The following TANGO6 variants were observed in gnomAD, a reference collection of about 807,000 sequenced individuals.
The protein encoded by TANGO6 is transport and golgi organization 6 homolog.
A neutral mutation model predicts 114.2 loss-of-function variants in TANGO6; 90 were observed. That is an observed-to-expected ratio of 0.79 (90% CI 0.66 to 0.94). The LOEUF (loss-of-function observed/expected upper bound fraction) is 0.94. Ranked by LOEUF, TANGO6 falls within the 40% of genes least tolerant of loss-of-function variation. The pLI, the probability that TANGO6 is intolerant of heterozygous loss-of-function variation, is 0.00. For synonymous variants in TANGO6, 477 were observed against 509.8 expected (o/e 0.94, Z 0.87); for missense variants, 1,274 against 1,315.3 (o/e 0.97, Z 0.49).
intron 2 of TANGO6, among the ~76,000 whole-genome samples, chr16:68,861,291 C>T (rs967510813): frequency 6.6e-6 from 1 of 152,166 alleles, no homozygotes; most frequent in African/African-American, 2.4e-5. Context: ...GGCCCCCAGG[C>T]GCAGTGATTC....
At chr16:68,945,759 C>T (rs1963408081) in intron 14 of TANGO6, among the ~76,000 whole-genome samples, 2 of 151,762 alleles carry the variant, frequency 1.3e-5, no homozygotes, top group Admixed American at 1.3e-4. Context: ...GATCTTGGCT[C>T]ACTGCAACCT....
chr16:68,948,542 C>G (rs79871631), intron 14 of TANGO6, among the ~76,000 whole-genome samples: 7,532 of 152,240 alleles, frequency 0.049, 223 homozygotes, highest in Non-Finnish European at 0.07. Flanking sequence ...ATAGTGCCCT[C>G]ATTCTTTTTG....
intron 14 of TANGO6, among the ~76,000 whole-genome samples, chr16:68,937,016 C>A (rs1291126895): frequency 1.3e-5 from 2 of 152,112 alleles, no homozygotes; most frequent in African/African-American, 4.8e-5. Context: ...AAGGTAGATA[C>A]AAGATGAAAT....
chr16:69,030,627 G>A (rs1404460524), intron 16 of TANGO6, among the ~76,000 whole-genome samples: 2 of 152,032 alleles, frequency 1.3e-5, no homozygotes, highest in African/African-American at 4.8e-5. Flanking sequence ...CTCACAGCAA[G>A]AATCAAGCAT....
intron 3 of TANGO6, among the ~76,000 whole-genome samples, chr16:68,866,600 G>A (rs977852085): frequency 6.7e-6 from 1 of 148,244 alleles, no homozygotes; most frequent in Non-Finnish European, 1.5e-5. Context: ...TCCGCAGTCC[G>A]GCCTGGGCGA....
intron 7 of TANGO6, among the ~76,000 whole-genome samples, chr16:68,884,425 A>G (rs1424584830): frequency 6.6e-6 from 1 of 152,198 alleles, no homozygotes; most frequent in African/African-American, 2.4e-5. Context: ...GGGGTCTTCT[A>G]TCCTGTTCTG....
At chr16:68,998,484 C>G (rs749717217) in intron 15 of TANGO6, among the ~76,000 whole-genome samples, 9 of 152,136 alleles carry the variant, frequency 5.9e-5, no homozygotes, top group African/African-American at 1.2e-4. Flanking sequence ...GTAATCCCAG[C>G]GCTTTGGGAG....
At chr16:68,981,618 G>GT (rs1963837847) in intron 15 of TANGO6, among the ~76,000 whole-genome samples, 1 of 152,308 alleles carries the variant, frequency 6.6e-6, no homozygotes, top group South Asian at 2.1e-4. Context: ...TCATTGGGAT[G>GT]TTACTTGGCA....
chr16:68,927,649 A>G lies in TANGO6; in HGVS notation c.2209A>G (p.Ile737Val). Residue 737 changes from isoleucine to valine, a missense_variant, in exon 13 of 18, where the codon ATC becomes GTC. Ile to Val is a conservative substitution (Grantham distance 29, BLOSUM62 3). This residue lies in a region of TANGO6 where 908 missense variants were observed against 910.2 expected (regional missense o/e 1.00). Coordinates refer to ENST00000261778, the MANE Select transcript of TANGO6 (RefSeq NM_024562.2). ...KVSNTYPDPV[I>V]QELAVDLRIT... is the part of the protein sequence containing the mutation. ...ATCCAACACATACCCTGATCCGGTC[A>G]TCCAAGAACTCGCTGTTGATCTCCG... is the stretch of plus-strand genomic sequence containing the variant. 1 of 1,614,046 alleles carries G rather than the reference A, an allele frequency of 6.2e-7. No individual in the cohort carries two copies. The highest frequency in any genetic ancestry group is 8.5e-7 in the Non-Finnish European group (1 of 1,179,900).
intron 14 of TANGO6, among the ~76,000 whole-genome samples, chr16:68,942,189 G>A (rs536205702): frequency 3.7e-4 from 57 of 152,112 alleles, no homozygotes; most frequent in Non-Finnish European, 6.5e-4. Flanking sequence ...TTAGCTGGAC[G>A]TGGTGGCAGG....
chr16:69,017,262 T>A (rs139581905), intron 15 of TANGO6, among the ~76,000 whole-genome samples: 1 of 152,308 alleles, frequency 6.6e-6, no homozygotes, highest in African/African-American at 2.4e-5. Context: ...CCATTAGGTT[T>A]TGCCATGAGG....
At chr16:69,036,007 TACTCCAGCCTGA>T (rs1393653120) in intron 16 of TANGO6, 1 of 145,080 alleles carries the variant, frequency 6.9e-6, no homozygotes, top group Admixed American at 7.1e-5. Context: ...CATGCCACTG[TACTCCAGCCTGA>T]GCTACAGAGC....
chr16:68,891,772 A>G (rs1273289455), intron 7 of TANGO6, among the ~76,000 whole-genome samples: 1 of 151,284 alleles, frequency 6.6e-6, no homozygotes, highest in African/African-American at 2.4e-5. Context: ...ACCTGTAGCT[A>G]CAGCTTAAGG....
chr16:68,985,848 A>C (rs1462242224), intron 15 of TANGO6, among the ~76,000 whole-genome samples: 1 of 152,188 alleles, frequency 6.6e-6, no homozygotes, highest in Non-Finnish European at 1.5e-5. Context: ...CTTCAGACTA[A>C]ATGTTTTTCG....
intron 16 of TANGO6, among the ~76,000 whole-genome samples, chr16:69,033,401 A>G (rs1959631227): frequency 6.6e-6 from 1 of 152,164 alleles, no homozygotes; most frequent in South Asian, 2.1e-4. Flanking sequence ...ACACAAATAA[A>G]GGACCCAATC....
chr16:68,860,445 A>G lies in TANGO6; in HGVS notation c.656A>G (p.His219Arg), dbSNP rs1272128190. 9.3e-6 allele frequency: 15 copies of G among 1,613,822 alleles called. No homozygotes were observed. The highest frequency in any genetic ancestry group is 1.3e-5 in the African/African-American group (1 of 74,900). ...TSLGSLIFCH[H>R]FGDIAAGLCQ... ...CTGGGGAGCTTGATCTTCTGCCACC[A>G]CTTTGGGGATATCGCAGCAGGTCTG... Residue 219 changes from histidine (H) to arginine (R), a missense_variant, in exon 2 of 18, where the codon CAC becomes CGC. Coordinates refer to ENST00000261778, the MANE Select transcript of TANGO6 (RefSeq NM_024562.2).
chr16:69,082,248 G>A (rs531370312), intron 17 of TANGO6, among the ~76,000 whole-genome samples: 1 of 152,150 alleles, frequency 6.6e-6, no homozygotes, highest in East Asian at 1.9e-4. Flanking sequence ...GCCTTCCAAA[G>A]TGCTGGGACT....
intron 12 of TANGO6, among the ~76,000 whole-genome samples, chr16:68,927,133 C>A (rs1963177328): frequency 6.6e-6 from 1 of 152,174 alleles, no homozygotes; most frequent in Admixed American, 6.5e-5. Context: ...CACTTTAGAT[C>A]ATGTAGTTAA....
intron 14 of TANGO6, among the ~76,000 whole-genome samples, chr16:68,941,239 C>T (rs1963349524): frequency 6.6e-6 from 1 of 152,108 alleles, no homozygotes; most frequent in Non-Finnish European, 1.5e-5. Flanking sequence ...TACACTCTGT[C>T]AACTTGTTGG....
Sources: gnomAD v4.1 joint callset for allele counts (sites outside exome capture counted in the v4.1 genomes callset) on GRCh38, gnomAD v4.1.1 for gene constraint, gnomAD v4.1.1 regional missense constraint, MANE v1.5 for transcripts, NCBI Gene and HGNC (gene_info 2026-07-23, HGNC 2026-07-21) for gene names.